The following RECK variants were observed in gnomAD, a reference collection of about 807,000 sequenced individuals.
The protein encoded by RECK is reversion inducing cysteine rich protein with kazal motifs, also known as reversion-inducing cysteine-rich protein with Kazal motifs.
In RECK, 69 loss-of-function variants were observed where a neutral mutation model predicts 115.1. That is an observed-to-expected ratio of 0.60 (90% CI 0.49 to 0.73). RECK has a LOEUF of 0.73. Ranked by LOEUF, RECK falls within the 30% of genes least tolerant of loss-of-function variation. RECK has a pLI of 0.00. For synonymous variants in RECK, 414 were observed against 419.7 expected (o/e 0.99, Z 0.17); for missense variants, 1,047 against 1,203.7 (o/e 0.87, Z 1.93).
At position 36,080,607 on chromosome 9, in the gene RECK, T is replaced by C; in HGVS notation, c.408T>C (p.Asn136=). ...ISKVCRKEYE[N]ALFSCISRNE... ...ATTTGTTTTTCTTCAATTTACAGAA[T>C]GCTCTTTTCAGTTGCATTAGCAGAA... Residue 136 remains asparagine (N), a splice_region_variant and synonymous_variant, in exon 7 of 21, where the codon AAT becomes AAC. Coordinates refer to ENST00000377966, the MANE Select transcript of RECK (RefSeq NM_021111.3). The C allele has an allele frequency of 6.2e-7, 1 of 1,607,714 alleles. No homozygotes were observed. Among genetic ancestry groups the C allele is most frequent in the Non-Finnish European group, 8.5e-7 (1 of 1,176,128 alleles).
At chr9:36,100,589 C>G (rs755592835) in intron 11 of RECK, 46 bp downstream of exon 11, 1 of 1,403,342 alleles carries the variant, frequency 7.1e-7, no homozygotes, top group Admixed American at 1.7e-5. Context: ...AGTTCAGACC[C>G]TCCGTGATCT....
Position 36,105,139 on chromosome 9 carries a change from T to G in RECK, c.1436-4T>G, listed in dbSNP as rs1347303496. Reference sequence around the variant, plus strand: ...GTTAAACTAATCTGTTTTGGTTTTTTCAGGGCCAAGTACTTTAGGTAACAT... The same window carrying G: ...GTTAAACTAATCTGTTTTGGTTTTTGCAGGGCCAAGTACTTTAGGTAACAT... On this transcript the variant is annotated splice_polypyrimidine_tract_variant and splice_region_variant and intron_variant, in intron 12 of 20. Coordinates refer to ENST00000377966, the MANE Select transcript of RECK (RefSeq NM_021111.3). The G allele has an allele frequency of 1.9e-6, 3 of 1,613,676 alleles. No homozygotes were observed. Among genetic ancestry groups the G allele is most frequent in the Non-Finnish European group, 2.5e-6 (3 of 1,179,816 alleles).
chr9:36,095,052 G>A (rs1823286560), intron 10 of RECK, among the ~76,000 whole-genome samples: 1 of 152,128 alleles, frequency 6.6e-6, no homozygotes, highest in Non-Finnish European at 1.5e-5. Context: ...CAAATATTTG[G>A]TAATTAAACA....
chr9:36,108,896 T>C (rs561534627), intron 14 of RECK, among the ~76,000 whole-genome samples: 33 of 152,070 alleles, frequency 2.2e-4, no homozygotes, highest in Admixed American at 7.2e-4. Context: ...ATCTGTTCCC[T>C]CCCCACAAGC....
At chr9:36,043,081 A>C (rs1453777640) in intron 1 of RECK, among the ~76,000 whole-genome samples, 1 of 118,362 alleles carries the variant, frequency 8.4e-6, no homozygotes, top group Non-Finnish European at 1.6e-5. Flanking sequence ...GCTGGAGTGC[A>C]TCTCGTGATC....
intron 6 of RECK, among the ~76,000 whole-genome samples, chr9:36,066,161 G>T (rs930591577): frequency 1.1e-4 from 16 of 152,116 alleles, no homozygotes; most frequent in African/African-American, 3.4e-4. Context: ...TCTAACACTG[G>T]TATCTAGATG....
intron 1 of RECK, among the ~76,000 whole-genome samples, chr9:36,037,747 C>G (rs1304493717): frequency 6.6e-6 from 1 of 151,830 alleles, no homozygotes. Flanking sequence ...CACGCCGACT[C>G]CTTCCGTCCA....
intron 19 of RECK, 128 bp from the exon 20 acceptor site, chr9:36,121,405 C>T (rs773514952): frequency 1.3e-5 from 10 of 796,914 alleles, no homozygotes; most frequent in African/African-American, 8.7e-5. Flanking sequence ...AGCAAAGCTG[C>T]GGTTGGGCCT....
chr9:36,087,182 A>G (rs942355631), intron 8 of RECK, among the ~76,000 whole-genome samples: 12 of 152,156 alleles, frequency 7.9e-5, no homozygotes, highest in Non-Finnish European at 1.8e-4. Flanking sequence ...GAAAAAAAAA[A>G]CATGCACACA....
intron 20 of RECK, among the ~76,000 whole-genome samples, chr9:36,122,460 T>C (rs1168688734): frequency 1.3e-5 from 2 of 152,182 alleles, no homozygotes; most frequent in Non-Finnish European, 2.9e-5. Flanking sequence ...TGTCTTTCTC[T>C]TTTCTTTTTT....
At chr9:36,101,242 C>G (rs891967605) in intron 11 of RECK, among the ~76,000 whole-genome samples, 1 of 152,110 alleles carries the variant, frequency 6.6e-6, no homozygotes, top group Admixed American at 6.6e-5. Flanking sequence ...TGAGCCACTG[C>G]GCCCAGCCGA....
At chr9:36,047,559 T>A (rs549991431) in intron 1 of RECK, among the ~76,000 whole-genome samples, 1 of 151,960 alleles carries the variant, frequency 6.6e-6, no homozygotes, top group Admixed American at 6.6e-5. Flanking sequence ...GAGCCAAGAC[T>A]GCACCACTCC....
intron 10 of RECK, among the ~76,000 whole-genome samples, chr9:36,092,789 T>C (rs1276338673): frequency 2.7e-5 from 4 of 150,392 alleles, no homozygotes; most frequent in Non-Finnish European, 5.9e-5. Context: ...GGGAGTAGAG[T>C]TCAAGCAGAA....
In RECK at chr9:36,064,264, GT is replaced by G. The variant is rs560554374; in HGVS notation, c.357+387del. Among the ~76,000 whole-genome samples the G allele has an allele frequency of 3.3e-5, 5 of 152,220 alleles. No homozygotes were observed. In the South Asian group the frequency reaches 1.0e-3, roughly 32 times the overall value. The stretch of plus-strand genomic sequence containing the variant: ...CTCATTTTTTCATCTCCTTTTCTCT[GT>G]TTCATCATGGCTTTACCCTGAGTGT... On this transcript the variant is annotated intron_variant, in intron 5 of 20. Coordinates refer to ENST00000377966, the MANE Select transcript of RECK (RefSeq NM_021111.3).
Position 36,057,802 on chromosome 9 carries a change from T to C in RECK, c.160-1025T>C, listed in dbSNP as rs117181246. Among the ~76,000 whole-genome samples the C allele has an allele frequency of 2.1e-3, 317 of 152,182 alleles. 2 individuals are homozygous for C. The highest frequency in any genetic ancestry group is 6.3e-3 in the Admixed American group (97 of 15,288). Reference sequence around the variant, plus strand: ...CACCACTACACCCCAGCCTGGGTGATAGAATGGGACTCTGTCTTAAAAAAA... The same window carrying C: ...CACCACTACACCCCAGCCTGGGTGACAGAATGGGACTCTGTCTTAAAAAAA... On this transcript the variant is annotated intron_variant, in intron 2 of 20. Coordinates refer to ENST00000377966, the MANE Select transcript of RECK (RefSeq NM_021111.3).
intron 1 of RECK, among the ~76,000 whole-genome samples, chr9:36,037,702 T>C (rs909665498): frequency 6.6e-6 from 1 of 151,746 alleles, no homozygotes; most frequent in African/African-American, 2.4e-5. Flanking sequence ...GTTAAGTGCT[T>C]ATTGATTGCT....
chr9:36,061,393 T>TACACACACAC (rs58265948), intron 4 of RECK, among the ~76,000 whole-genome samples: 10,743 of 128,874 alleles, frequency 0.083, 619 homozygotes, highest in Non-Finnish European at 0.1. Flanking sequence ...TGTAATTTTC[T>TACACACACAC]ACACACACAC....
chr9:36,096,152 G>A (rs1398133292), intron 10 of RECK, among the ~76,000 whole-genome samples: 1 of 151,798 alleles, frequency 6.6e-6, no homozygotes, highest in Non-Finnish European at 1.5e-5. Flanking sequence ...TGGGAGGATG[G>A]CTTGAGCCTG....
intron 9 of RECK, among the ~76,000 whole-genome samples, chr9:36,089,215 G>A (rs1428564956): frequency 6.6e-6 from 1 of 152,194 alleles, no homozygotes; most frequent in Non-Finnish European, 1.5e-5. Flanking sequence ...AGGATGCTGA[G>A]TGTTTCTTTG....
Sources: allele counts gnomAD v4.1 joint callset (sites outside exome capture counted in the v4.1 genomes callset), GRCh38; gene constraint gnomAD v4.1.1; transcripts MANE v1.5; gene names NCBI Gene and HGNC (gene_info 2026-07-23, HGNC 2026-07-21).